DAPP1: variants seen among roughly 807,000 people sequenced by gnomAD.
DAPP1 encodes the protein dual adaptor of phosphotyrosine and 3-phosphoinositides 1.
DAPP1 carries 20 observed loss-of-function variants against 41.5 expected under a neutral mutation model. The observed-to-expected ratio is 0.48, with a 90% CI of 0.34 to 0.70. The LOEUF (loss-of-function observed/expected upper bound fraction) is 0.70, where lower values mean the gene tolerates loss of function less well. Among genes scored for constraint, DAPP1 ranks in the 30% least tolerant of loss-of-function variants. The pLI is 0.01. For missense variants in DAPP1, 233 were observed against 333.4 expected, an observed-to-expected ratio of 0.70 and a Z score of 2.35; for synonymous variants, 113 against 116.2, an observed-to-expected ratio of 0.97 and a Z score of 0.18.
At chr4:99,837,883 C>G (rs1263630196) in intron 2 of DAPP1, among the ~76,000 whole-genome samples, 1 of 151,790 alleles carries the variant, frequency 6.6e-6, no homozygotes, top group South Asian at 2.1e-4. Context: ...GAGACAGTGA[C>G]AGTTCGTCAG....
chr4:99,849,054 A>T (rs902296389), intron 3 of DAPP1, among the ~76,000 whole-genome samples: 3 of 152,212 alleles, frequency 2.0e-5, no homozygotes, highest in African/African-American at 7.2e-5. Context: ...GATTTTTATC[A>T]GTATAAGTTG....
intron 3 of DAPP1, among the ~76,000 whole-genome samples, chr4:99,842,305 C>T (rs1723520383): frequency 6.6e-6 from 1 of 152,184 alleles, no homozygotes; most frequent in Non-Finnish European, 1.5e-5. Context: ...ACTACAATTG[C>T]CATTTTATTT....
intron 8 of DAPP1, among the ~76,000 whole-genome samples, 178 bp downstream of exon 8, chr4:99,866,299 A>G (rs1296784800): frequency 6.6e-6 from 1 of 151,998 alleles, no homozygotes; most frequent in Non-Finnish European, 1.5e-5. Context: ...AGAGATGGAG[A>G]CAGGATTGTA....
At chr4:99,842,713 T>C (rs942714389) in intron 3 of DAPP1, among the ~76,000 whole-genome samples, 41 of 152,248 alleles carry the variant, frequency 2.7e-4, no homozygotes, top group African/African-American at 9.2e-4. Context: ...GAATGGAAAC[T>C]GACATGCCAC....
chr4:99,834,881 C>T (rs962257117), intron 1 of DAPP1, among the ~76,000 whole-genome samples: 1 of 152,174 alleles, frequency 6.6e-6, no homozygotes, highest in Non-Finnish European at 1.5e-5. Context: ...TGTTCCAGGC[C>T]TCTTCCTGTG....
chr4:99,858,575 C>A (rs1368704408), intron 4 of DAPP1, among the ~76,000 whole-genome samples: 2 of 152,176 alleles, frequency 1.3e-5, no homozygotes, highest in African/African-American at 4.8e-5. Flanking sequence ...TTATTTGAGA[C>A]TATAAGAATA....
intron 3 of DAPP1, among the ~76,000 whole-genome samples, chr4:99,847,602 T>C (rs2110153292): frequency 6.6e-6 from 1 of 152,286 alleles, no homozygotes; most frequent in Non-Finnish European, 1.5e-5. Flanking sequence ...TTCCAAGGCC[T>C]GTGGTTACTG....
intron 1 of DAPP1, among the ~76,000 whole-genome samples, chr4:99,831,096 C>G (rs2110139492): frequency 6.6e-6 from 1 of 152,176 alleles, no homozygotes; most frequent in Middle Eastern, 3.4e-3. Flanking sequence ...ATTTTTAAAA[C>G]TCTTATTTTA....
chr4:99,826,402 T>A (rs1012154916), intron 1 of DAPP1, among the ~76,000 whole-genome samples: 1 of 152,066 alleles, frequency 6.6e-6, no homozygotes, highest in African/African-American at 2.4e-5. Context: ...CAATCAGGAG[T>A]TTTTTTCCCA....
intron 1 of DAPP1, among the ~76,000 whole-genome samples, chr4:99,818,638 T>A (rs924525048): frequency 6.6e-6 from 1 of 152,052 alleles, no homozygotes; most frequent in Admixed American, 6.5e-5. Flanking sequence ...CTTTCCTCCA[T>A]GTGCAAAGAA....
intron 1 of DAPP1, among the ~76,000 whole-genome samples, chr4:99,821,270 A>G (rs1471967547): frequency 1.3e-5 from 2 of 152,218 alleles, no homozygotes; most frequent in Non-Finnish European, 2.9e-5. Context: ...AACACTTTCA[A>G]TACGATATCA....
In DAPP1 at chr4:99,840,336, C is replaced by A. The variant is rs937899470; in HGVS notation, c.272C>A (p.Ser91Ter). Residue 91 changes from serine (S) to a stop codon, truncating the protein, a stop_gained, in exon 3 of 9, where the codon TCA (serine) becomes TAA (stop). Coordinates refer to ENST00000512369, the MANE Select transcript of DAPP1 (RefSeq NM_014395.3). LOFTEE classifies it high-confidence loss of function. ...TTTCATGTTGAATATACTGGATATT[C>A]ATTTAAATTTGGCTTTAATGAATTC... ...KHFHVEYTGY[S>*]FKFGFNEFSS... 6.2e-7 allele frequency: 1 copy of A among 1,606,870 alleles called. No individual in the cohort carries two copies.
intron 4 of DAPP1, among the ~76,000 whole-genome samples, chr4:99,858,176 C>A (rs1021704225): frequency 6.6e-6 from 1 of 152,204 alleles, no homozygotes; most frequent in African/African-American, 2.4e-5. Context: ...CAGTAAGTTC[C>A]GTCAGAGTAA....
intron 1 of DAPP1, among the ~76,000 whole-genome samples, chr4:99,822,074 C>T (rs1347084226): frequency 1.3e-5 from 2 of 152,144 alleles, no homozygotes; most frequent in African/African-American, 4.8e-5. Flanking sequence ...GAAGGTGGTT[C>T]TTCTGTGGTT....
intron 3 of DAPP1, among the ~76,000 whole-genome samples, chr4:99,845,555 CT>C (rs1431229950): frequency 6.6e-6 from 1 of 152,192 alleles, no homozygotes; most frequent in East Asian, 1.9e-4. Flanking sequence ...TATGGCAGGG[CT>C]GTAACACATG....
At chr4:99,818,745 T>C (rs1444212024) in intron 1 of DAPP1, among the ~76,000 whole-genome samples, 1 of 152,076 alleles carries the variant, frequency 6.6e-6, no homozygotes, top group Admixed American at 6.5e-5. Flanking sequence ...GCGTGAACAA[T>C]TAATAAACAT....
At position 99,853,212 on chromosome 4, in the gene DAPP1, AT is replaced by A. The variant is rs1240607260; in HGVS notation, c.359-4del. ...GTTCGATTATATATTTTTCATCTTCATTCAGGCACTCTGATGGTTCTAAAAC... is the reference window on the plus strand; with the variant it reads ...GTTCGATTATATATTTTTCATCTTCATCAGGCACTCTGATGGTTCTAAAAC... On this transcript the variant is annotated splice_region_variant and splice_polypyrimidine_tract_variant and intron_variant, in intron 3 of 8. Coordinates refer to ENST00000512369, the MANE Select transcript of DAPP1 (RefSeq NM_014395.3). The A allele has an allele frequency of 9.3e-6, 15 of 1,613,808 alleles. No individual in the cohort carries two copies. The highest frequency in any genetic ancestry group is 1.3e-5 in the Non-Finnish European group (15 of 1,179,814).
At chr4:99,851,987 C>T (rs1204698647) in intron 3 of DAPP1, among the ~76,000 whole-genome samples, 1 of 152,148 alleles carries the variant, frequency 6.6e-6, no homozygotes, top group East Asian at 1.9e-4. Flanking sequence ...TTCAAAGACG[C>T]CCTTCCTGAT....
In DAPP1 at chr4:99,853,544, A is replaced by G. The variant is rs538790419; in HGVS notation, c.489+196A>G. ...AGATCATAAAAATTACAATGCAGCCAGACATGGTGGTTCATGCCTGTAATC... is the reference window on the plus strand; with the variant it reads ...AGATCATAAAAATTACAATGCAGCCGGACATGGTGGTTCATGCCTGTAATC... On this transcript the variant is annotated intron_variant, in intron 4 of 8. Coordinates refer to ENST00000512369, the MANE Select transcript of DAPP1 (RefSeq NM_014395.3). 3.1e-3 allele frequency among the ~76,000 whole-genome samples: 469 copies of G among 152,370 alleles called. 3 individuals are homozygous for G. Among genetic ancestry groups the G allele is most frequent in the Middle Eastern group, 0.01 (3 of 294 alleles).
Sources: gnomAD v4.1 joint callset for allele counts (sites outside exome capture counted in the v4.1 genomes callset) on GRCh38, gnomAD v4.1.1 for gene constraint, MANE v1.5 for transcripts, NCBI Gene and HGNC (gene_info 2026-07-23, HGNC 2026-07-21) for gene names.